The following GLIPR2 variants were observed in gnomAD, a reference collection of about 807,000 sequenced individuals.
GLIPR2 encodes the protein Golgi-associated plant pathogenesis-related protein 1.
Under a neutral mutation model 20.4 loss-of-function variants are expected in GLIPR2, and 21 were observed. The ratio of observed to expected loss-of-function variants is 1.03; its 90% CI spans 0.73 to 1.48. The LOEUF is 1.48. Among genes scored for constraint, GLIPR2 ranks in the 40% most tolerant of loss-of-function variants. The pLI, the probability that GLIPR2 is intolerant of heterozygous loss-of-function variation, is 0.00. For missense variants in GLIPR2, 205 were observed against 200.1 expected (o/e 1.02, Z -0.15); for synonymous variants, 91 against 80.5 (o/e 1.13, Z -0.70).
Position 36,162,586 on chromosome 9 carries a change from C to T in GLIPR2, c.*64C>T. 1 of 1,521,114 alleles carries T rather than the reference C, an allele frequency of 6.6e-7. No homozygotes were observed. The highest frequency in any genetic ancestry group is 1.8e-4 in the Middle Eastern group (1 of 5,616). The allele number at this position is 1,521,114 out of a possible 1,614,324, so 94.2% of individuals were successfully genotyped here. A position where few individuals can be genotyped will look rare whatever the true frequency, so the allele number is the denominator to read the frequency against. On this transcript the variant is annotated 3_prime_UTR_variant, in exon 5 of 5. Coordinates refer to ENST00000377960, the MANE Select transcript of GLIPR2 (RefSeq NM_022343.4). ...GTGGATATGAAGTGCCTAGAACCAC[C>T]ACAACCTGGCTGTGCGTCTGTCCCT... is the stretch of plus-strand genomic sequence containing the variant.
At chr9:36,156,520 C>T (rs1825840994) in intron 4 of GLIPR2, among the ~76,000 whole-genome samples, 1 of 152,004 alleles carries the variant, frequency 6.6e-6, no homozygotes, top group African/African-American at 2.4e-5. Context: ...TCATCGCCAC[C>T]ATCCATCTCT....
intron 1 of GLIPR2, chr9:36,144,783 C>A (rs552684948): frequency 2.0e-5 from 3 of 152,432 alleles, no homozygotes; most frequent in Admixed American, 2.0e-4. Flanking sequence ...GGCCCACGGA[C>A]AGCTCCACCA....
In GLIPR2 at chr9:36,146,947, C is replaced by T. The variant is rs542429517; in HGVS notation, c.14-839C>T. On this transcript the variant is annotated intron_variant, in intron 1 of 4. Transcript: ENST00000377960. ...GCACTTCTACAGCTCCATTAGGCAC[C>T]GTCCTAGTGGGGACTCTGCGGTGGC... is the stretch of plus-strand genomic sequence containing the variant. Among the ~76,000 whole-genome samples the T allele has an allele frequency of 1.5e-3, 234 of 152,232 alleles. 2 individuals are homozygous for T. The highest frequency in any genetic ancestry group is 5.2e-3 in the African/African-American group (218 of 41,524).
chr9:36,153,272 T>C (rs915007386), intron 4 of GLIPR2, among the ~76,000 whole-genome samples: 1 of 152,128 alleles, frequency 6.6e-6, no homozygotes, highest in Non-Finnish European at 1.5e-5. Flanking sequence ...AAAACAGGAA[T>C]CTCACAAGAG....
chr9:36,158,706 T>C (rs1417685067), intron 4 of GLIPR2, among the ~76,000 whole-genome samples: 2 of 152,218 alleles, frequency 1.3e-5, no homozygotes, highest in Admixed American at 6.5e-5. Flanking sequence ...AAATGTCTCA[T>C]TGATCTCTGT....
intron 4 of GLIPR2, among the ~76,000 whole-genome samples, chr9:36,159,444 C>A (rs148806598): frequency 1.3e-5 from 2 of 152,216 alleles, no homozygotes; most frequent in Admixed American, 1.3e-4. Context: ...CTCATTCTTT[C>A]AAACATTTAT....
At chr9:36,162,278 G>T in intron 4 of GLIPR2, 84 bp from the exon 5 acceptor site, 1 of 1,603,076 alleles carries the variant, frequency 6.2e-7, no homozygotes, top group South Asian at 1.1e-5. Context: ...AGATGGTACA[G>T]GGGTTCAACA....
chr9:36,162,485 G>T lies in GLIPR2; in HGVS notation c.428G>T (p.Gly143Val), dbSNP rs2132801972. The change falls in exon 5 of 5, where the codon GGC becomes GTC. Residue 143 changes from glycine (G) to valine (V), a missense_variant. Transcript: ENST00000377960. ...YFPAGNVVNE[G>V]FFEENVLPPK... ...CCAGCGGGGAATGTTGTCAATGAGGGCTTCTTCGAAGAAAACGTCCTGCCG... is the reference window on the plus strand; with the variant it reads ...CCAGCGGGGAATGTTGTCAATGAGGTCTTCTTCGAAGAAAACGTCCTGCCG... 6.2e-7 allele frequency: 1 copy of T among 1,614,224 alleles called. No homozygotes were observed. Among genetic ancestry groups the T allele is most frequent in the Non-Finnish European group, 8.5e-7 (1 of 1,180,042 alleles).
chr9:36,155,232 A>G (rs1253117978), intron 4 of GLIPR2, among the ~76,000 whole-genome samples: 1 of 152,240 alleles, frequency 6.6e-6, no homozygotes, highest in African/African-American at 2.4e-5. Flanking sequence ...GATTATTTTC[A>G]TAAACAATTT....
At chr9:36,146,637 A>G (rs931352483) in intron 1 of GLIPR2, among the ~76,000 whole-genome samples, 3 of 152,250 alleles carry the variant, frequency 2.0e-5, no homozygotes, top group Non-Finnish European at 4.4e-5. Flanking sequence ...AGATACTCTC[A>G]TTCCAAAAGG....
Position 36,163,086 on chromosome 9 carries a change from G to A in GLIPR2, c.*564G>A. ...CTGAGATTTCTCAGTTGTAAAACAT[G>A]ATGTCATCCTGCATGCCTCCTGGAA... is the stretch of plus-strand genomic sequence containing the variant. On this transcript the variant is annotated 3_prime_UTR_variant, in exon 5 of 5. Coordinates refer to ENST00000377960, the MANE Select transcript of GLIPR2 (RefSeq NM_022343.4). 3.1e-6 allele frequency: 1 copy of A among 318,536 alleles called. No homozygotes were observed. The highest frequency in any genetic ancestry group is 6.1e-6 in the Non-Finnish European group (1 of 163,398). The allele number at this position is 318,536 out of a possible 1,614,324, so 19.7% of individuals were successfully genotyped here.
intron 1 of GLIPR2, among the ~76,000 whole-genome samples, chr9:36,145,696 T>C (rs1466987040): frequency 1.3e-5 from 2 of 151,800 alleles, no homozygotes; most frequent in East Asian, 1.9e-4. Flanking sequence ...GGATGTTGGA[T>C]GGATGGATGG....
At chr9:36,159,236 A>G (rs1825957392) in intron 4 of GLIPR2, among the ~76,000 whole-genome samples, 1 of 152,224 alleles carries the variant, frequency 6.6e-6, no homozygotes, top group South Asian at 2.1e-4. Context: ...AGGCCTCAGC[A>G]AGACCTAGTG....
Position 36,150,941 on chromosome 9 carries a change from C to T in GLIPR2, c.296C>T (p.Ser99Leu), listed in dbSNP as rs866087635. 8 of 1,612,478 alleles carry T rather than the reference C, an allele frequency of 5.0e-6. No individual in the cohort carries two copies. Among genetic ancestry groups the T allele is most frequent in the African/African-American group, 1.3e-5 (1 of 75,012 alleles). Residue 99 changes from serine (S) to leucine (L), a missense_variant, in exon 4 of 5, where the codon TCG becomes TTG. Transcript: ENST00000377960. ...AACTTCCAGCAGCCTGGCTTCACCT[C>T]GGGGACTGGTGAGTGGCAGGGTCTC... ...NYNFQQPGFT[S>L]GTGHFTAMVW...
chr9:36,145,391 A>G (rs1234609237), intron 1 of GLIPR2, among the ~76,000 whole-genome samples: 1 of 152,232 alleles, frequency 6.6e-6, no homozygotes, highest in East Asian at 1.9e-4. Context: ...CTTGGCACCT[A>G]TCACATGGCT....
In GLIPR2 at chr9:36,163,446, G is replaced by A. The variant is rs1304177777; in HGVS notation, c.*924G>A. 1 of 154,824 alleles carries A rather than the reference G, an allele frequency of 6.5e-6. No homozygotes were observed. The highest frequency in any genetic ancestry group is 1.9e-4 in the East Asian group (1 of 5,220). The allele number at this position is 154,824 out of a possible 1,614,324, so 9.6% of individuals were successfully genotyped here. ...GTGAGCTTACTCAGGGCCCCCAGAG[G>A]AAGCCCTCAGCCTCTGCCCTCCCCC... is the stretch of plus-strand genomic sequence containing the variant. On this transcript the variant is annotated 3_prime_UTR_variant, in exon 5 of 5. Transcript: ENST00000377960.
chr9:36,142,635 C>A (rs1825139221), intron 1 of GLIPR2, among the ~76,000 whole-genome samples: 1 of 152,120 alleles, frequency 6.6e-6, no homozygotes, highest in South Asian at 2.1e-4. Flanking sequence ...TCATCCCTGC[C>A]CTTCCCCCAT....
Position 36,150,962 on chromosome 9 carries a change from G to T in GLIPR2, c.304+13G>T. Reference sequence around the variant, plus strand: ...ACCTCGGGGACTGGTGAGTGGCAGGGTCTCACCAGTGGCCTGGCCCTGGGC... The same window carrying T: ...ACCTCGGGGACTGGTGAGTGGCAGGTTCTCACCAGTGGCCTGGCCCTGGGC... On this transcript the variant is annotated intron_variant, in intron 4 of 4. Coordinates refer to ENST00000377960, the MANE Select transcript of GLIPR2 (RefSeq NM_022343.4). 1.3e-6 allele frequency: 2 copies of T among 1,592,906 alleles called. No homozygotes were observed. Among genetic ancestry groups the T allele is most frequent in the Non-Finnish European group, 8.6e-7 (1 of 1,160,660 alleles).
intron 4 of GLIPR2, among the ~76,000 whole-genome samples, chr9:36,159,145 G>A (rs1587160253): frequency 6.6e-6 from 1 of 152,190 alleles, no homozygotes; most frequent in South Asian, 2.1e-4. Flanking sequence ...GAGGAGATTT[G>A]GAAGCTAAGC....
Sources: allele counts gnomAD v4.1 joint callset (sites outside exome capture counted in the v4.1 genomes callset), GRCh38; gene constraint gnomAD v4.1.1; transcripts MANE v1.5; gene names NCBI Gene and HGNC (gene_info 2026-07-23, HGNC 2026-07-21).